The following DNAH11 variants were observed in gnomAD, a reference collection of about 807,000 sequenced individuals.
DNAH11 encodes axonemal beta dynein heavy chain 11.
DNAH11 carries 442 observed loss-of-function variants against 526.0 expected under a neutral mutation model. The ratio of observed to expected loss-of-function variants is 0.84; its 90% confidence interval spans 0.78 to 0.91. The LOEUF is 0.91. Ranked by LOEUF, DNAH11 falls within the 40% of genes least tolerant of loss-of-function variation. The pLI, the probability that DNAH11 is intolerant of heterozygous loss-of-function variation, is 0.00. For missense variants in DNAH11, 6,989 were observed against 5,448.7 expected, an observed-to-expected ratio of 1.28 and a Z score of -8.90; for synonymous variants, 2,461 against 1,935.9, an observed-to-expected ratio of 1.27 and a Z score of -7.12.
At chr7:21,599,294 T>C (rs1413912964) in intron 14 of DNAH11, among the ~76,000 whole-genome samples, 1 of 152,214 alleles carries the variant, frequency 6.6e-6, no homozygotes, top group Admixed American at 6.5e-5. Flanking sequence ...TTTAATAGAA[T>C]AGGTACATTG....
intron 31 of DNAH11, among the ~76,000 whole-genome samples, 189 bp from the exon 32 acceptor site, chr7:21,683,595 G>A (rs1783234946): frequency 6.6e-6 from 1 of 152,160 alleles, no homozygotes; most frequent in Non-Finnish European, 1.5e-5. Context: ...TTAAAATGAA[G>A]ACTTATTACA....
chr7:21,596,576 C>T (rs775777669), intron 14 of DNAH11, among the ~76,000 whole-genome samples: 8 of 152,192 alleles, frequency 5.3e-5, no homozygotes, highest in Non-Finnish European at 1.0e-4. Flanking sequence ...TTTTCTGTTA[C>T]ATTTTCTTGA....
rs1481936834 is a variant in DNAH11, at chr7:21,619,996, T to G, written c.4418T>G (p.Phe1473Cys). The G allele has an allele frequency of 6.2e-7, 1 of 1,607,612 alleles. No individual in the cohort carries two copies. The highest frequency in any genetic ancestry group is 8.5e-7 in the Non-Finnish European group (1 of 1,177,974). Residue 1473 changes from phenylalanine (F) to cysteine (C), a missense_variant, in exon 25 of 82, where the codon TTT becomes TGT. By Grantham distance (205) the Phe-to-Cys change is radical. Transcript: ENST00000409508. ...AGTCAGACCTGGGCAACCATGAAGT[T>G]TTCTTACGAAGTTCACTATCGAACA... is the stretch of plus-strand genomic sequence containing the variant. ...EISQTWATMKFSYEVHYRTGI... is the reference protein window; with the variant it reads ...EISQTWATMKCSYEVHYRTGI...
Position 21,606,521 on chromosome 7 carries a change from G to GA in DNAH11, c.3750dup (p.Cys1251MetfsTer5). On this transcript the variant is annotated frameshift_variant, in exon 19 of 82. Coordinates refer to ENST00000409508, the MANE Select transcript of DNAH11 (RefSeq NM_001277115.2). LOFTEE classifies it high-confidence loss of function. Reference sequence around the variant, plus strand: ...ATAATGCGGAAGTCACTCTTATAAGGAAAAAATGTATTTTGTTTGACGTAA... The same window carrying GA: ...ATAATGCGGAAGTCACTCTTATAAGGAAAAAAATGTATTTTGTTTGACGTAA... The GA allele has an allele frequency of 6.2e-7, 1 of 1,608,300 alleles. No individual in the cohort carries two copies. The highest frequency in any genetic ancestry group is 8.5e-7 in the Non-Finnish European group (1 of 1,178,556).
At chr7:21,657,553 C>T (rs537083650) in intron 29 of DNAH11, among the ~76,000 whole-genome samples, 19 of 152,242 alleles carry the variant, frequency 1.2e-4, no homozygotes, top group Admixed American at 2.0e-4. Context: ...CTGCAAAGTT[C>T]TTGAGAACAG....
intron 30 of DNAH11, among the ~76,000 whole-genome samples, chr7:21,669,657 T>TTGTGTGTGTG (rs58030631): frequency 6.7e-6 from 1 of 149,806 alleles, no homozygotes; most frequent in Non-Finnish European, 1.5e-5. Context: ...GTTTTTCTTT[T>TTGTGTGTGTG]TGTGTGTGTG....
chr7:21,650,041 A>G (rs1407995464), intron 28 of DNAH11, among the ~76,000 whole-genome samples: 1 of 152,128 alleles, frequency 6.6e-6, no homozygotes, highest in Non-Finnish European at 1.5e-5. Context: ...TTGTACACAC[A>G]TGATTTTTTC....
At chr7:21,835,241 AC>A (rs369760278) in intron 65 of DNAH11, among the ~76,000 whole-genome samples, 19,890 of 131,694 alleles carry the variant, frequency 0.15, 1,468 homozygotes, top group East Asian at 0.28. Flanking sequence ...AAAAAAAAAA[AC>A]AGAGGGAGTT....
intron 35 of DNAH11, among the ~76,000 whole-genome samples, chr7:21,691,964 A>T (rs554906437): frequency 1.3e-5 from 2 of 152,286 alleles, no homozygotes; most frequent in South Asian, 4.1e-4. Context: ...CCTATTGATG[A>T]CCTGCTTTTC....
intron 36 of DNAH11, among the ~76,000 whole-genome samples, chr7:21,701,321 G>A (rs572545953): frequency 2.1e-5 from 3 of 140,518 alleles, no homozygotes; most frequent in South Asian, 4.4e-4. Context: ...ACAGTGCCTC[G>A]CTTTGTTACC....
chr7:21,742,545 C>G (rs539077823), intron 49 of DNAH11, among the ~76,000 whole-genome samples: 1 of 152,250 alleles, frequency 6.6e-6, no homozygotes, highest in Non-Finnish European at 1.5e-5. Context: ...GATGAAGGAT[C>G]TGCCCCCATG....
intron 14 of DNAH11, among the ~76,000 whole-genome samples, 157 bp downstream of exon 14, chr7:21,591,734 C>G (rs564065274): frequency 1.3e-5 from 2 of 152,294 alleles, no homozygotes; most frequent in South Asian, 4.1e-4. Context: ...ATTTGTGTTA[C>G]TTGCCTGCAA....
chr7:21,885,179 A>AAAAAAAC (rs1784082285), intron 76 of DNAH11, among the ~76,000 whole-genome samples: 1 of 147,668 alleles, frequency 6.8e-6, no homozygotes. Flanking sequence ...TATAAAAAAA[A>AAAAAAAC]AAAAAAAAAC....
At chr7:21,759,425 A>T (rs1183476042) in intron 54 of DNAH11, among the ~76,000 whole-genome samples, 1 of 152,186 alleles carries the variant, frequency 6.6e-6, no homozygotes, top group Non-Finnish European at 1.5e-5. Flanking sequence ...AAACAAATTG[A>T]AATTGAAAGG....
At position 21,801,174 on chromosome 7, in the gene DNAH11, T is replaced by C. The variant is rs757740647; in HGVS notation, c.10064T>C (p.Phe3355Ser). The C allele has an allele frequency of 6.2e-6, 10 of 1,612,366 alleles. No individual in the cohort carries two copies. Among genetic ancestry groups the C allele is most frequent in the South Asian group, 4.4e-5 (4 of 90,678 alleles). Residue 3355 changes from phenylalanine to serine, a missense_variant, in exon 62 of 82, where the codon TTT (phenylalanine) becomes TCT (serine). By Grantham distance (155) the Phe-to-Ser change is radical. Transcript: ENST00000409508. ...DRNLSRLTAS[F>S]EKATAEKVRC... ...AATCTGAGCAGACTCACGGCTTCATTTGAAAAAGCAACAGCTGAGAAAGTC... is the reference window on the plus strand; with the variant it reads ...AATCTGAGCAGACTCACGGCTTCATCTGAAAAAGCAACAGCTGAGAAAGTC...
chr7:21,870,201 G>T (rs1783442218), intron 73 of DNAH11, among the ~76,000 whole-genome samples: 1 of 152,148 alleles, frequency 6.6e-6, no homozygotes, highest in Non-Finnish European at 1.5e-5. Flanking sequence ...GGACTGTTTA[G>T]CAGCAGGTGA....
chr7:21,800,317 T>A (rs1263347895), intron 61 of DNAH11, among the ~76,000 whole-genome samples: 1 of 152,154 alleles, frequency 6.6e-6, no homozygotes, highest in Non-Finnish European at 1.5e-5. Context: ...TATCTCTGAG[T>A]TTCAGTCCCT....
At chr7:21,770,413 C>T (rs986195447) in intron 55 of DNAH11, among the ~76,000 whole-genome samples, 1 of 152,146 alleles carries the variant, frequency 6.6e-6, no homozygotes, top group East Asian at 1.9e-4. Flanking sequence ...GTGGAATTTT[C>T]CACCTGTGGT....
intron 62 of DNAH11, among the ~76,000 whole-genome samples, chr7:21,803,708 G>C (rs544734013): frequency 6.6e-6 from 1 of 151,616 alleles, no homozygotes; most frequent in Non-Finnish European, 1.5e-5. Context: ...AGTGGGGAAT[G>C]GGGCTGTCAT....
Sources: allele counts gnomAD v4.1 joint callset (sites outside exome capture counted in the v4.1 genomes callset), GRCh38; gene constraint gnomAD v4.1.1; transcripts MANE v1.5; gene names NCBI Gene and HGNC (gene_info 2026-07-23, HGNC 2026-07-21).